The following TAPT1 variants were observed in gnomAD, a reference collection of about 807,000 sequenced individuals.
The protein encoded by TAPT1 is transmembrane anterior posterior transformation protein 1 homolog.
A neutral mutation model predicts 65.6 loss-of-function variants in TAPT1; 28 were observed. The observed-to-expected ratio is 0.43, with a 90% CI of 0.32 to 0.59. The LOEUF is 0.59. Ranked by LOEUF, TAPT1 falls within the 20% of genes least tolerant of loss-of-function variation. The pLI is 0.09. For synonymous variants in TAPT1, 278 were observed against 245.2 expected (o/e 1.13, Z -1.25); for missense variants, 563 against 679.9 (o/e 0.83, Z 1.91).
At chr4:16,202,702 G>T in intron 2 of TAPT1, 122 bp from the exon 3 acceptor site, 1 of 554,076 alleles carries the variant, frequency 1.8e-6, no homozygotes, top group Non-Finnish European at 3.2e-6. Context: ...ACTTAGCCCT[G>T]GGAATAACAA....
At chr4:16,185,847 T>C (rs1748983376) in intron 7 of TAPT1, among the ~76,000 whole-genome samples, 1 of 152,162 alleles carries the variant, frequency 6.6e-6, no homozygotes, top group Non-Finnish European at 1.5e-5. Flanking sequence ...TCCTCTCTAT[T>C]GTACATCTGT....
At chr4:16,168,119 T>C (rs1747756417) in intron 12 of TAPT1, among the ~76,000 whole-genome samples, 1 of 114,136 alleles carries the variant, frequency 8.8e-6, no homozygotes, top group Non-Finnish European at 1.8e-5. Context: ...AAGTTGGTTT[T>C]CTTTTTTTTT....
intron 3 of TAPT1, among the ~76,000 whole-genome samples, chr4:16,199,179 T>C (rs924820947): frequency 1.3e-5 from 2 of 152,194 alleles, no homozygotes; most frequent in African/African-American, 4.8e-5. Flanking sequence ...GAAACAGTTA[T>C]ATAATTTTAA....
chr4:16,171,985 T>A (rs886544238), intron 11 of TAPT1, among the ~76,000 whole-genome samples: 1 of 152,150 alleles, frequency 6.6e-6, no homozygotes, highest in African/African-American at 2.4e-5. Context: ...AATTAACTTG[T>A]CACAGAGGCC....
At chr4:16,202,633 T>A in intron 2 of TAPT1, 53 bp from the exon 3 acceptor site, 2 of 990,558 alleles carry the variant, frequency 2.0e-6, no homozygotes, top group Non-Finnish European at 3.0e-6. Flanking sequence ...AAAATACTTG[T>A]AGATGAAAAT....
At chr4:16,163,666 A>G (rs1578400932) in intron 13 of TAPT1, 129 bp from the exon 14 acceptor site, 1 of 668,086 alleles carries the variant, frequency 1.5e-6, no homozygotes, top group East Asian at 2.7e-5. Flanking sequence ...GCAAATGATA[A>G]CCAAATAGCA....
chr4:16,209,332 T>A (rs560810503), intron 2 of TAPT1, among the ~76,000 whole-genome samples: 2 of 152,248 alleles, frequency 1.3e-5, no homozygotes, highest in Non-Finnish European at 2.9e-5. Context: ...TAATAACTTA[T>A]GGATCTGATA....
chr4:16,199,860 G>A (rs1749929576), intron 3 of TAPT1, among the ~76,000 whole-genome samples: 1 of 152,134 alleles, frequency 6.6e-6, no homozygotes, highest in Admixed American at 6.6e-5. Context: ...AAAGTTCTAA[G>A]ATGACAGGTG....
chr4:16,181,850 G>C (rs1410088679), intron 7 of TAPT1, among the ~76,000 whole-genome samples: 1 of 152,228 alleles, frequency 6.6e-6, no homozygotes, highest in Non-Finnish European at 1.5e-5. Flanking sequence ...TTACAGGCGT[G>C]AGCCACTGTG....
At position 16,164,550 on chromosome 4, in the gene TAPT1, T is replaced by C. The variant is rs142008305; in HGVS notation, c.1475-1013A>G. ...TACGTGCTTAAAGCTTTTATCCCCA[T>C]TAGACTGGATCCTCCTTGAAAGCAA... On this transcript the variant is annotated intron_variant, in intron 13 of 13. Transcript: ENST00000405303. Among the ~76,000 whole-genome samples, 19 of 152,274 alleles carry C rather than the reference T, an allele frequency of 1.2e-4. No individual in the cohort carries two copies. In the East Asian group the frequency reaches 3.5e-3, roughly 28 times the overall value.
intron 5 of TAPT1, 134 bp downstream of exon 5, chr4:16,188,086 A>G: frequency 1.3e-6 from 1 of 744,572 alleles, no homozygotes. Context: ...TCAACAGAAC[A>G]CAAATATTTC....
chr4:16,165,054 T>G (rs2149662449), intron 13 of TAPT1, among the ~76,000 whole-genome samples: 1 of 152,190 alleles, frequency 6.6e-6, no homozygotes, highest in Non-Finnish European at 1.5e-5. Context: ...ATGATCTAAC[T>G]CATGCTGGCC....
intron 2 of TAPT1, among the ~76,000 whole-genome samples, chr4:16,209,779 A>C (rs574410095): frequency 6.6e-6 from 1 of 152,350 alleles, no homozygotes; most frequent in African/African-American, 2.4e-5. Flanking sequence ...GAGGCTGTTG[A>C]ATGGATTGAA....
intron 8 of TAPT1, chr4:16,176,493 T>G: frequency 4.6e-6 from 1 of 219,218 alleles, no homozygotes; most frequent in Non-Finnish European, 8.9e-6. Context: ...ATCAGGAGTT[T>G]GAGACCAGCC....
chr4:16,166,698 G>A lies in TAPT1; in HGVS notation c.1409C>T (p.Pro470Leu). ...EAKMEEKLSN[P>L]PATCTPGKPS... ...CTTGCCTGGAGTGCAGGTTGCGGGAGGATTCGACAGCTTCTCTTCCATTTT... is the reference window on the plus strand; with the variant it reads ...CTTGCCTGGAGTGCAGGTTGCGGGAAGATTCGACAGCTTCTCTTCCATTTT... The change falls in exon 13 of 14, where the codon CCT becomes CTT. Residue 470 changes from proline to leucine, a missense_variant. Pro to Leu is a moderately conservative substitution (Grantham distance 98). This residue lies in a region of TAPT1 where 136 missense variants were observed against 153.9 expected (regional missense o/e 0.88). Transcript: ENST00000405303. 8.1e-6 allele frequency: 13 copies of A among 1,613,992 alleles called. No individual in the cohort carries two copies. The highest frequency in any genetic ancestry group is 1.0e-5 in the Non-Finnish European group (12 of 1,179,892).
intron 1 of TAPT1, among the ~76,000 whole-genome samples, chr4:16,222,876 A>G (rs527915483): frequency 3.3e-5 from 5 of 152,320 alleles, no homozygotes; most frequent in African/African-American, 1.2e-4. Context: ...AAATGGGTCC[A>G]TGGCACTGTT....
chr4:16,209,557 C>G lies in TAPT1; in HGVS notation c.330+4211G>C, dbSNP rs531719855. Reference sequence around the variant, plus strand: ...ACTATTTACTGTAGCTTTAGATTCACAAAGATGACAAAATTAGTCCTTAGA... The same window carrying G: ...ACTATTTACTGTAGCTTTAGATTCAGAAAGATGACAAAATTAGTCCTTAGA... On this transcript the variant is annotated intron_variant, in intron 2 of 13. Coordinates refer to ENST00000405303, the MANE Select transcript of TAPT1 (RefSeq NM_153365.3). 1.2e-4 allele frequency among the ~76,000 whole-genome samples: 19 copies of G among 152,274 alleles called. No homozygotes were observed. The South Asian group carries it at 3.9e-3, about 32-fold the overall frequency.
chr4:16,163,509 G>A lies in TAPT1; in HGVS notation c.1503C>T (p.Ala501=), dbSNP rs750971034. 1 of 1,613,836 alleles carries A rather than the reference G, an allele frequency of 6.2e-7. No individual in the cohort carries two copies. The highest frequency in any genetic ancestry group is 8.5e-7 in the Non-Finnish European group (1 of 1,179,788). Reference sequence around the variant, plus strand: ...GATGAATAGGTTGTTTGGTGATGGAGGCAGACAGGTTTTCTTCTGTGGAAA... The same window carrying A: ...GATGAATAGGTTGTTTGGTGATGGAAGCAGACAGGTTTTCTTCTGTGGAAA... ...QGLSTEENLS[A]SITKQPIHQK... Residue 501 remains alanine (A), a synonymous_variant, in exon 14 of 14, where the codon GCC becomes GCT. Transcript: ENST00000405303.
chr4:16,226,022 A>G (rs1362178173), intron 1 of TAPT1: 1 of 1,004,036 alleles, frequency 1.0e-6, no homozygotes, highest in Admixed American at 5.9e-5. Context: ...TCTAGGGCAC[A>G]CCTGGCCTGG....
Sources: gnomAD v4.1 joint callset for allele counts (sites outside exome capture counted in the v4.1 genomes callset) on GRCh38, gnomAD v4.1.1 for gene constraint, gnomAD v4.1.1 regional missense constraint, MANE v1.5 for transcripts, NCBI Gene and HGNC (gene_info 2026-07-23, HGNC 2026-07-21) for gene names.